Variants in TNS4 observed in about 807,000 individuals in gnomAD.
The protein encoded by TNS4 is tensin-4.
TNS4 carries 46 observed loss-of-function variants against 70.4 expected under a neutral mutation model. The ratio of observed to expected loss-of-function variants is 0.65; its 90% confidence interval spans 0.52 to 0.84. The LOEUF (loss-of-function observed/expected upper bound fraction) is 0.84. Ranked by LOEUF, TNS4 falls within the 40% of genes least tolerant of loss-of-function variation. The pLI is 0.00. For missense variants in TNS4, 863 were observed against 907.0 expected (o/e 0.95, Z 0.62); for synonymous variants, 390 against 366.6 (o/e 1.06, Z -0.73).
At chr17:40,491,729 C>G (rs1221236403) in intron 2 of TNS4, among the ~76,000 whole-genome samples, 2 of 152,118 alleles carry the variant, frequency 1.3e-5, no homozygotes, top group African/African-American at 4.8e-5. Flanking sequence ...GGGTTGGGGC[C>G]TCTACCCATT....
rs1361329178 is a variant in TNS4 at position 40,477,593 on chromosome 17, T to A, written c.2143A>T (p.Met715Leu). The stretch of plus-strand genomic sequence containing the variant: ...GTGCACAGGCAGTCTCTCCCCTACA[T>A]CCTTTCTGCGTCCTGCAGCAGAGCA... ...VTALLQDAER[M>L] The change falls in exon 13 of 13, where the codon ATG becomes TTG. Residue 715 changes from methionine to leucine, a missense_variant. Coordinates refer to ENST00000254051, the MANE Select transcript of TNS4 (RefSeq NM_032865.6). 4 of 1,614,010 alleles carry A rather than the reference T, an allele frequency of 2.5e-6. No homozygotes were observed. Among genetic ancestry groups the A allele is most frequent in the Non-Finnish European group, 3.4e-6 (4 of 1,179,980 alleles).
Position 40,487,277 on chromosome 17 carries a change from G to C in TNS4, c.1047C>G (p.His349Gln), listed in dbSNP as rs375831679. 1.2e-6 allele frequency: 2 copies of C among 1,614,116 alleles called. No homozygotes were observed. The highest frequency in any genetic ancestry group is 1.7e-6 in the Non-Finnish European group (2 of 1,179,940). Reference sequence around the variant, plus strand: ...CATGTTCTTTGGCCAGTGGTGGAGAGTGGGGTGTTCTGGGTTGGCCCATGG... The same window carrying C: ...CATGTTCTTTGGCCAGTGGTGGAGACTGGGGTGTTCTGGGTTGGCCCATGG... ...TLTMGQPRTP[H>Q]SPPLAKEHAS... is the part of the protein sequence containing the mutation. Residue 349 changes from histidine to glutamine, a missense_variant, in exon 4 of 13, where the codon CAC (histidine) becomes CAG (glutamine). Physicochemically the swap from His to Gln is conservative, Grantham distance 24. Transcript: ENST00000254051.
At chr17:40,496,571 T>G in intron 1 of TNS4, 51 bp from the exon 2 acceptor site, 1 of 788,312 alleles carries the variant, frequency 1.3e-6, no homozygotes, top group East Asian at 2.9e-5. Context: ...GTGAAGCCCC[T>G]GCCTCCCACC....
rs371709466 is a variant in TNS4 at position 40,488,663 on chromosome 17, G to A, written c.746C>T (p.Pro249Leu). 4.7e-5 allele frequency: 73 copies of A among 1,563,980 alleles called. No individual in the cohort carries two copies. The Middle Eastern group carries it at 3.1e-3, about 66-fold the overall frequency. ...CTCCAGTCTTGGAGAAGCCACCAGC[G>A]GGGAGCCCAAACCATGGGGGCTCGA... Reference protein sequence around the residue: ...KASSPHGLGSPLVASPRLEKR... With the variant: ...KASSPHGLGSLLVASPRLEKR... The change falls in exon 3 of 13, where the codon CCG becomes CTG. Residue 249 changes from proline to leucine, a missense_variant. Coordinates refer to ENST00000254051, the MANE Select transcript of TNS4 (RefSeq NM_032865.6).
rs150152835 is a variant in TNS4 at position 40,479,730 on chromosome 17, G to A, written c.1854C>T (p.Thr618=). ...GCTCTGTGACTTTGAAGTGGACCAC[G>A]GTGGGCGTGGGGAGGATGTCCCTCT... is the stretch of plus-strand genomic sequence containing the variant. ...TFERDILPTP[T]VVHFKVTEQG... The change falls in exon 10 of 13, where the codon ACC becomes ACT. Residue 618 remains threonine, a synonymous_variant. Transcript: ENST00000254051. 61 of 1,614,002 alleles carry A rather than the reference G, an allele frequency of 3.8e-5. No homozygotes were observed. The highest frequency in any genetic ancestry group is 4.7e-5 in the Non-Finnish European group (55 of 1,180,030).
rs2035881616 is a variant in TNS4 at position 40,478,650 on chromosome 17, TAGG to T, written c.1911-5_1911-3del. ...GGGTAATGGCGCCGGAAAAACACCC[TAGG>T]AGGAGGCGGGGAGAGAAGGGAAGCG... On this transcript the variant is annotated splice_polypyrimidine_tract_variant and splice_region_variant and intron_variant, in intron 10 of 12. Coordinates refer to ENST00000254051, the MANE Select transcript of TNS4 (RefSeq NM_032865.6). The T allele has an allele frequency of 6.2e-7, 1 of 1,613,864 alleles. No homozygotes were observed. The highest frequency in any genetic ancestry group is 8.5e-7 in the Non-Finnish European group (1 of 1,179,842).
chr17:40,499,603 T>A (rs867569669), intron 1 of TNS4, among the ~76,000 whole-genome samples: 15 of 152,254 alleles, frequency 9.9e-5, no homozygotes, highest in Admixed American at 3.3e-4. Context: ...CCGGTAGGTC[T>A]GATGCCAGAC....
intron 8 of TNS4, 94 bp from the exon 9 acceptor site, chr17:40,480,862 G>T (rs1260836784): frequency 7.2e-7 from 1 of 1,382,532 alleles, no homozygotes; most frequent in South Asian, 1.3e-5. Flanking sequence ...TCCCTTTGAA[G>T]ATCTCCCACC....
At position 40,496,485 on chromosome 17, in the gene TNS4, C is replaced by T. The variant is rs555816527; in HGVS notation, c.-60G>A. 6.6e-7 allele frequency: 1 copy of T among 1,521,750 alleles called. No individual in the cohort carries two copies. The highest frequency in any genetic ancestry group is 2.0e-5 in the Admixed American group (1 of 49,684). 94.3% of individuals were successfully genotyped at this position (1,521,750 alleles called of 1,614,324 possible). On this transcript the variant is annotated 5_prime_UTR_variant, in exon 2 of 13. Coordinates refer to ENST00000254051, the MANE Select transcript of TNS4 (RefSeq NM_032865.6). ...TCTTCAACCAGCCTCACTGACATCC[C>T]AGAGATCTCACTTGCTAACCAGGAG...
chr17:40,482,585 GACACACACAC>G (rs3833860), intron 6 of TNS4, among the ~76,000 whole-genome samples, 169 bp from the exon 7 acceptor site: 5 of 144,996 alleles, frequency 3.4e-5, no homozygotes, highest in South Asian at 2.2e-4. Context: ...CTCTACTAAA[GACACACACAC>G]ACACACACAC....
At chr17:40,487,883 G>A (rs543606525) in intron 3 of TNS4, among the ~76,000 whole-genome samples, 33 of 152,362 alleles carry the variant, frequency 2.2e-4, no homozygotes, top group Non-Finnish European at 3.8e-4. Flanking sequence ...CCCAGCTGCA[G>A]GAGAAGGCCA....
chr17:40,476,384 G>GTGTGTGTGTGTGTGTGTGTGTT lies in TNS4; in HGVS notation c.*1203_*1204insAACACACACACACACACACACA, dbSNP rs2035848345. On this transcript the variant is annotated 3_prime_UTR_variant, in exon 13 of 13. Coordinates refer to ENST00000254051, the MANE Select transcript of TNS4 (RefSeq NM_032865.6). ...AGTAGAGGGGCGTGTGTGTGTGTGTGTGTGTGTGTGTGTGTGTGTGTGTGT... is the reference window on the plus strand; with the variant it reads ...AGTAGAGGGGCGTGTGTGTGTGTGTGTGTGTGTGTGTGTGTGTGTGTTTGTGTGTGTGTGTGTGTGTGTGTGT... The GTGTGTGTGTGTGTGTGTGTGTT allele has an allele frequency of 8.2e-6, 1 of 121,298 alleles. No individual in the cohort carries two copies. The highest frequency in any genetic ancestry group is 1.6e-5 in the Non-Finnish European group (1 of 62,272). The allele number at this position is 121,298 out of a possible 1,614,324, so 7.5% of individuals were successfully genotyped here.
At chr17:40,500,822 A>G (rs1440600920) in intron 1 of TNS4, among the ~76,000 whole-genome samples, 1 of 139,050 alleles carries the variant, frequency 7.2e-6, no homozygotes, top group Admixed American at 7.1e-5. Flanking sequence ...CCGGTGACGC[A>G]GGACGTGGAC....
rs548034316 is a variant in TNS4 at position 40,481,187 on chromosome 17, C to T, written c.1673-419G>A. Among the ~76,000 whole-genome samples the T allele has an allele frequency of 2.0e-5, 3 of 152,296 alleles. No homozygotes were observed. The East Asian group carries it at 5.8e-4, about 29-fold the overall frequency. On this transcript the variant is annotated intron_variant, in intron 8 of 12. Transcript: ENST00000254051. ...GCCCTTCTCGAGCTTCTCCTGCACACCCCTGAGATGATCTATTTCATCTGA... is the reference window on the plus strand; with the variant it reads ...GCCCTTCTCGAGCTTCTCCTGCACATCCCTGAGATGATCTATTTCATCTGA...
chr17:40,479,656 G>T lies in TNS4; in HGVS notation c.1910+18C>A, dbSNP rs375044058. ...ACTCCGCCAGCCCCGGAGCCCCAGG[G>T]CAAGGGAAGGCCCTTACTTCCTCTG... On this transcript the variant is annotated intron_variant, in intron 10 of 12. Coordinates refer to ENST00000254051, the MANE Select transcript of TNS4 (RefSeq NM_032865.6). The T allele has an allele frequency of 3.7e-6, 6 of 1,608,112 alleles. No individual in the cohort carries two copies. The highest frequency in any genetic ancestry group is 5.1e-6 in the Non-Finnish European group (6 of 1,176,374).
Position 40,477,077 on chromosome 17 carries a change from G to A in TNS4, c.*511C>T, listed in dbSNP as rs9915191. 17,678 of 152,472 alleles carry A rather than the reference G, an allele frequency of 0.12. 1,269 individuals carry two copies. The highest frequency in any genetic ancestry group is 0.2 in the African/African-American group (8,407 of 41,454). The allele number at this position is 152,472 out of a possible 1,614,324, so 9.4% of individuals were successfully genotyped here. A position where few individuals can be genotyped will look rare whatever the true frequency, so the allele number is the denominator to read the frequency against. Reference sequence around the variant, plus strand: ...GGAAAAGGAACAGAGGAACAGATATGGAAGGAAATAGAGTCTATCCATTCC... The same window carrying A: ...GGAAAAGGAACAGAGGAACAGATATAGAAGGAAATAGAGTCTATCCATTCC... On this transcript the variant is annotated 3_prime_UTR_variant, in exon 13 of 13. Transcript: ENST00000254051.
chr17:40,484,968 A>G lies in TNS4; in HGVS notation c.1328T>C (p.Met443Thr), dbSNP rs779685603. Residue 443 changes from methionine (M) to threonine (T), a missense_variant, in exon 5 of 13, where the codon ATG (methionine) becomes ACG (threonine). Met to Thr is a moderately conservative substitution (Grantham distance 81). Transcript: ENST00000254051. Reference protein sequence around the residue: ...RDMQPTMKFVMDTSKYWFKPN... With the variant: ...RDMQPTMKFVTDTSKYWFKPN... ...CTTAAACCAGTATTTAGATGTGTCC[A>G]TCACGAACTTCATGGTGGGCTGCAT... 1.2e-6 allele frequency: 2 copies of G among 1,614,234 alleles called. No homozygotes were observed. The highest frequency in any genetic ancestry group is 1.7e-6 in the Non-Finnish European group (2 of 1,180,052).
At chr17:40,481,436 C>A (rs2035920337) in intron 8 of TNS4, among the ~76,000 whole-genome samples, 1 of 152,178 alleles carries the variant, frequency 6.6e-6, no homozygotes. Context: ...GCGATCTTAG[C>A]TCACTGCAAC....
chr17:40,488,638 CTCCAGTCTT>C lies in TNS4; in HGVS notation c.762_770del (p.Arg255_Glu257del). Reference sequence around the variant, plus strand: ...GTGGGGCCAGGCCTCCCAGCCGCTTCTCCAGTCTTGGAGAAGCCACCAGCGGGGAGCCCA... The same window carrying C: ...GTGGGGCCAGGCCTCCCAGCCGCTTCGGAGAAGCCACCAGCGGGGAGCCCA... On this transcript the variant is annotated inframe_deletion, in exon 3 of 13. Coordinates refer to ENST00000254051, the MANE Select transcript of TNS4 (RefSeq NM_032865.6). 2 of 1,536,162 alleles carry C rather than the reference CTCCAGTCTT, an allele frequency of 1.3e-6. No individual in the cohort carries two copies. Among genetic ancestry groups the C allele is most frequent in the Non-Finnish European group, 1.8e-6 (2 of 1,141,676 alleles).
Sources: gnomAD v4.1 joint callset for allele counts (sites outside exome capture counted in the v4.1 genomes callset) on GRCh38, gnomAD v4.1.1 for gene constraint, MANE v1.5 for transcripts, NCBI Gene and HGNC (gene_info 2026-07-23, HGNC 2026-07-21) for gene names.